DMD: variants seen among roughly 807,000 people sequenced by gnomAD.
DMD encodes dystrophin, also known as mutant dystrophin.
Under a neutral mutation model 330.1 loss-of-function variants are expected in DMD, and 63 were observed. That is an observed-to-expected ratio of 0.19 (90% confidence interval 0.16 to 0.24). The LOEUF (loss-of-function observed/expected upper bound fraction) is 0.24. Among genes scored for constraint, DMD ranks in the 10% least tolerant of loss-of-function variants. The pLI is 1.00. For missense variants in DMD, 3,344 were observed against 2,684.1 expected, an observed-to-expected ratio of 1.25 and a Z score of -5.43; for synonymous variants, 1,223 against 959.8, an observed-to-expected ratio of 1.27 and a Z score of -5.07.
At chrX:33,095,464 G>T (rs1465914973) in intron 1 of DMD, among the ~76,000 whole-genome samples, 2 of 112,135 alleles carry the variant, frequency 1.8e-5, no homozygotes, top group African/African-American at 3.2e-5. Flanking sequence ...AATTTCAAGG[G>T]AACCTAAGAG....
intron 2 of DMD, among the ~76,000 whole-genome samples, chrX:32,952,295 G>A (rs1227694680): frequency 9.1e-6 from 1 of 110,287 alleles, no homozygotes; most frequent in Non-Finnish European, 1.9e-5. Flanking sequence ...CACTGCACCC[G>A]GCTAATTTTT....
At chrX:31,166,719 A>G (rs1468179042) in intron 74 of DMD, among the ~76,000 whole-genome samples, 2 of 111,632 alleles carry the variant, frequency 1.8e-5, no homozygotes, top group Admixed American at 9.5e-5. Flanking sequence ...AAGACAGGAC[A>G]GGGCAGATCA....
At chrX:31,134,624 T>C (rs1464564162) in intron 76 of DMD, among the ~76,000 whole-genome samples, 1 of 111,270 alleles carries the variant, frequency 9.0e-6, no homozygotes, top group African/African-American at 3.3e-5. Flanking sequence ...GGTTTCACCA[T>C]ATTGGCCAGG....
At chrX:32,248,710 A>G (rs1198613074) in intron 43 of DMD, among the ~76,000 whole-genome samples, 1 of 110,917 alleles carries the variant, frequency 9.0e-6, no homozygotes, top group East Asian at 2.8e-4. Flanking sequence ...TTAATTATTA[A>G]TTGCTCAGTG....
intron 44 of DMD, among the ~76,000 whole-genome samples, chrX:32,044,510 A>C (rs759458169): frequency 2.5e-4 from 27 of 110,018 alleles, no homozygotes; most frequent in African/African-American, 5.3e-4. Flanking sequence ...CAAGCTCTGC[A>C]TCCCAGGTTC....
At chrX:32,085,617 C>CGTATATATATAT (rs1491517294) in intron 44 of DMD, among the ~76,000 whole-genome samples, 1 of 85,301 alleles carries the variant, frequency 1.2e-5, no homozygotes, top group African/African-American at 4.7e-5. Context: ...TATATATATA[C>CGTATATATATAT]GTATATATAT....
intron 17 of DMD, among the ~76,000 whole-genome samples, chrX:32,521,329 T>C (rs774290548): frequency 8.9e-6 from 1 of 111,942 alleles, no homozygotes; most frequent in South Asian, 3.7e-4. Flanking sequence ...CTGTTGACCA[T>C]ACTATCCGTT....
intron 13 of DMD, among the ~76,000 whole-genome samples, chrX:32,584,358 C>T (rs1349186547): frequency 9.0e-6 from 1 of 111,669 alleles, no homozygotes; most frequent in Non-Finnish European, 1.9e-5. Flanking sequence ...CTTTGGAAAA[C>T]CCTTTGTTAA....
At chrX:32,886,043 A>G (rs181691924) in intron 2 of DMD, among the ~76,000 whole-genome samples, 3 of 111,354 alleles carry the variant, frequency 2.7e-5, no homozygotes, top group Non-Finnish European at 5.7e-5. Flanking sequence ...CAATGACTGT[A>G]TAACAACATA....
chrX:32,369,502 C>T (rs1450560817), intron 34 of DMD, among the ~76,000 whole-genome samples: 2 of 111,510 alleles, frequency 1.8e-5, no homozygotes, highest in Non-Finnish European at 3.8e-5. Flanking sequence ...ATTATACCAT[C>T]AGCATTTTTC....
chrX:32,172,142 T>C (rs942399831), intron 44 of DMD, among the ~76,000 whole-genome samples: 2 of 111,922 alleles, frequency 1.8e-5, no homozygotes, highest in African/African-American at 6.5e-5. Flanking sequence ...CAGGGAATTG[T>C]ATGGTTTCAG....
intron 63 of DMD, among the ~76,000 whole-genome samples, chrX:31,234,796 G>A (rs775913091): frequency 4.5e-5 from 5 of 111,867 alleles, no homozygotes; most frequent in Non-Finnish European, 9.4e-5. Context: ...CAGGAATATT[G>A]CAATAGTGGG....
chrX:31,299,040 C>G lies in DMD; in HGVS notation c.9224+24558G>C, dbSNP rs1297304284. 4.5e-5 allele frequency among the ~76,000 whole-genome samples: 5 copies of G among 111,807 alleles called. No individual in the cohort carries two copies. The East Asian group carries it at 1.4e-3, about 31-fold the overall frequency. On this transcript the variant is annotated intron_variant, in intron 62 of 78. Coordinates refer to ENST00000357033, the MANE Select transcript of DMD (RefSeq NM_004006.3). ...GAATGCTAATGATGGAAGACTGTTG[C>G]TATGGTGATGCTAATTTCAACACCG...
intron 7 of DMD, among the ~76,000 whole-genome samples, chrX:32,724,050 C>A (rs953369078): frequency 1.8e-5 from 2 of 111,588 alleles, no homozygotes; most frequent in African/African-American, 6.5e-5. Flanking sequence ...ATAATTAGCA[C>A]ATATTGTTGT....
chrX:32,551,103 T>C (rs916136298), intron 16 of DMD, among the ~76,000 whole-genome samples: 8 of 110,672 alleles, frequency 7.2e-5, no homozygotes, highest in African/African-American at 2.3e-4. Flanking sequence ...TCCCAAAAAT[T>C]GAGGAGCGGC....
intron 1 of DMD, among the ~76,000 whole-genome samples, chrX:33,247,317 T>C (rs1431311027): frequency 8.9e-6 from 1 of 112,083 alleles, no homozygotes; most frequent in Non-Finnish European, 1.9e-5. Flanking sequence ...TTGTTTCTTA[T>C]ATTCTTAAAA....
intron 9 of DMD, among the ~76,000 whole-genome samples, chrX:32,694,191 C>T (rs2063483354): frequency 9.0e-6 from 1 of 111,304 alleles, no homozygotes; most frequent in Admixed American, 9.6e-5. Context: ...GCTGATGCCT[C>T]ATCATATATA....
intron 61 of DMD, among the ~76,000 whole-genome samples, chrX:31,328,093 T>G (rs1298705874): frequency 8.9e-6 from 1 of 112,323 alleles, no homozygotes; most frequent in East Asian, 2.8e-4. Context: ...AATTCCCACT[T>G]ATGGATGTAC....
intron 2 of DMD, among the ~76,000 whole-genome samples, chrX:32,978,692 C>G (rs981867111): frequency 8.9e-6 from 1 of 112,373 alleles, no homozygotes; most frequent in African/African-American, 3.2e-5. Context: ...TGGTCTCCAA[C>G]TCCTGACCTC....
Sources: allele counts gnomAD v4.1 joint callset (sites outside exome capture counted in the v4.1 genomes callset), GRCh38; gene constraint gnomAD v4.1.1; transcripts MANE v1.5; gene names NCBI Gene and HGNC (gene_info 2026-07-23, HGNC 2026-07-21).